Variants in PAH observed in about 807,000 individuals in gnomAD.
PAH encodes the protein phenylalanine hydroxylase.
Under a neutral mutation model 62.0 loss-of-function variants are expected in PAH, and 64 were observed. The observed-to-expected ratio is 1.03, with a 90% CI of 0.84 to 1.27. PAH has a LOEUF of 1.27. Among genes scored for constraint, PAH ranks in the 50% most tolerant of loss-of-function variants. The pLI is 0.00. For missense variants in PAH, 579 were observed against 542.8 expected, an observed-to-expected ratio of 1.07 and a Z score of -0.66; for synonymous variants, 195 against 196.2, an observed-to-expected ratio of 0.99 and a Z score of 0.05.
At chr12:102,860,149 A>C (rs532432176) in intron 5 of PAH, among the ~76,000 whole-genome samples, 2 of 152,240 alleles carry the variant, frequency 1.3e-5, no homozygotes, top group Non-Finnish European at 2.9e-5. Flanking sequence ...TACAAAATCA[A>C]TGTGCAAAAA....
chr12:102,928,852 C>T (rs771518969), intron 1 of PAH, among the ~76,000 whole-genome samples: 22 of 152,100 alleles, frequency 1.4e-4, no homozygotes, highest in Non-Finnish European at 2.8e-4. Flanking sequence ...AATATTTGTT[C>T]AGCTTTTGCT....
chr12:102,868,083 T>A (rs1876099612), intron 4 of PAH, among the ~76,000 whole-genome samples: 1 of 51,018 alleles, frequency 2.0e-5, no homozygotes, highest in Admixed American at 2.1e-4. Context: ...CATATATGTG[T>A]GTGTGTATAT....
intron 1 of PAH, among the ~76,000 whole-genome samples, chr12:102,924,007 C>G (rs1878620778): frequency 6.6e-6 from 1 of 152,216 alleles, no homozygotes; most frequent in South Asian, 2.1e-4. Flanking sequence ...TAGGCAGTTT[C>G]TACACCTGCA....
chr12:102,866,511 C>G (rs1875968177), intron 5 of PAH, 85 bp downstream of exon 5: 2 of 1,025,936 alleles, frequency 1.9e-6, no homozygotes, highest in African/African-American at 1.6e-5. Flanking sequence ...CTGGTATTTT[C>G]CATCCTCAAC....
chr12:102,837,870 G>T lies in PAH; in HGVS notation c.*1305C>A, dbSNP rs939478249. 2.8e-4 allele frequency: 43 copies of T among 152,114 alleles called. No homozygotes were observed. Among genetic ancestry groups the T allele is most frequent in the African/African-American group, 9.4e-4 (39 of 41,426 alleles). 9.4% of individuals were successfully genotyped at this position (152,114 alleles called of 1,614,324 possible). A position where few individuals can be genotyped will look rare whatever the true frequency, so the allele number is the denominator to read the frequency against. ...TTTGGCTATGAATAATTAAAAAAAT[G>T]GGGTACTTAAAAATACAGGTCTCTG... On this transcript the variant is annotated 3_prime_UTR_variant, in exon 13 of 13. Transcript: ENST00000553106.
chr12:102,894,289 A>G (rs1474077124), intron 3 of PAH, among the ~76,000 whole-genome samples: 2 of 152,146 alleles, frequency 1.3e-5, no homozygotes, highest in African/African-American at 4.8e-5. Context: ...GGGTGACAAA[A>G]TTATCTGTAT....
chr12:102,890,842 G>A (rs1414407649), intron 3 of PAH, among the ~76,000 whole-genome samples: 3 of 152,152 alleles, frequency 2.0e-5, no homozygotes, highest in Non-Finnish European at 4.4e-5. Context: ...CAGCACTTTG[G>A]GAGGCCGAGG....
At chr12:102,885,776 T>C (rs1053491305) in intron 3 of PAH, among the ~76,000 whole-genome samples, 4 of 152,142 alleles carry the variant, frequency 2.6e-5, no homozygotes, top group South Asian at 2.1e-4. Context: ...AGTCCAATCT[T>C]AGCCCCTCCC....
chr12:102,850,722 T>A (rs1259734353), intron 8 of PAH, among the ~76,000 whole-genome samples: 1 of 152,154 alleles, frequency 6.6e-6, no homozygotes, highest in Non-Finnish European at 1.5e-5. Flanking sequence ...TGATCCCAGC[T>A]ACCAAACCAT....
chr12:102,958,355 CGCGGCG>C, exon 1 of PAH: 1 of 1,427,110 alleles, frequency 7.0e-7, no homozygotes, highest in South Asian at 1.5e-5. Flanking sequence ...CGGCCGCAGC[CGCGGCG>C]GCCGCAGCCG....
chr12:102,915,703 C>A (rs1034924018), intron 1 of PAH, among the ~76,000 whole-genome samples: 1 of 152,160 alleles, frequency 6.6e-6, no homozygotes, highest in Admixed American at 6.5e-5. Context: ...TAATGCAGTT[C>A]CCTGGGCTTT....
intron 1 of PAH, among the ~76,000 whole-genome samples, chr12:102,947,526 G>C (rs1413633659): frequency 6.6e-6 from 1 of 152,144 alleles, no homozygotes; most frequent in East Asian, 1.9e-4. Context: ...GGCAGCATAT[G>C]TCATCAAGGA....
upstream of PAH, chr12:102,917,253 G>T: frequency 1.2e-6 from 1 of 833,332 alleles, no homozygotes; most frequent in Non-Finnish European, 2.0e-6. Context: ...GTTACAAAGG[G>T]TGTCTCTTGC....
Position 102,847,178 on chromosome 12 carries a change from A to G in PAH, c.913-227T>C, listed in dbSNP as rs964728215. 25 of 563,148 alleles carry G rather than the reference A, an allele frequency of 4.4e-5. No individual in the cohort carries two copies. The Admixed American group carries it at 7.4e-4, about 17-fold the overall frequency. The allele number at this position is 563,148 out of a possible 1,614,324, so 34.9% of individuals were successfully genotyped here. On this transcript the variant is annotated intron_variant, in intron 8 of 12. Coordinates refer to ENST00000553106, the MANE Select transcript of PAH (RefSeq NM_000277.3). ...ACTTGGCCCTTTGTTTTCACTTTAT[A>G]AGTGAGGAAATTGAGGCACAGAGAA...
chr12:102,861,553 T>A (rs1875715928), intron 5 of PAH, among the ~76,000 whole-genome samples: 1 of 152,228 alleles, frequency 6.6e-6, no homozygotes, highest in Non-Finnish European at 1.5e-5. Flanking sequence ...GCAGCACTAT[T>A]CATAATAGTA....
At chr12:102,945,337 C>A (rs1458307166) in intron 1 of PAH, among the ~76,000 whole-genome samples, 1 of 152,200 alleles carries the variant, frequency 6.6e-6, no homozygotes, top group African/African-American at 2.4e-5. Context: ...CAAAGCCAGC[C>A]AGGGTGACAC....
intron 1 of PAH, among the ~76,000 whole-genome samples, chr12:102,930,739 C>T (rs1383301752): frequency 6.6e-6 from 1 of 152,198 alleles, no homozygotes; most frequent in East Asian, 1.9e-4. Flanking sequence ...AACAGAATTT[C>T]TCTCCTTGTC....
chr12:102,840,547 G>C (rs760309501), intron 11 of PAH, 32 bp from the exon 12 acceptor site: 31 of 1,419,766 alleles, frequency 2.2e-5, no homozygotes, highest in Middle Eastern at 3.5e-4. Context: ...TGAGTGAAGG[G>C]CACCATTTGG....
upstream of PAH, chr12:102,917,365 CGGAGG>C (rs1208897629): frequency 5.5e-6 from 3 of 545,326 alleles, no homozygotes; most frequent in Non-Finnish European, 1.0e-5. Context: ...CAGGACGGGC[CGGAGG>C]GGAGGGGCTG....
Sources: allele counts gnomAD v4.1 joint callset (sites outside exome capture counted in the v4.1 genomes callset), GRCh38; gene constraint gnomAD v4.1.1; transcripts MANE v1.5; gene names NCBI Gene and HGNC (gene_info 2026-07-23, HGNC 2026-07-21).